Variants in RIOX2 observed in about 807,000 individuals in gnomAD.
RIOX2 encodes 60S ribosomal protein L27a histidine hydroxylase.
RIOX2 carries 43 observed loss-of-function variants against 51.2 expected under a neutral mutation model. The ratio of observed to expected loss-of-function variants is 0.84; its 90% CI spans 0.66 to 1.08. The LOEUF (loss-of-function observed/expected upper bound fraction) is 1.08, where lower values mean the gene tolerates loss of function less well. Among genes scored for constraint, RIOX2 ranks in the 50% least tolerant of loss-of-function variants. The pLI is 0.00. For missense variants in RIOX2, 566 were observed against 561.7 expected (o/e 1.01, Z -0.08); for synonymous variants, 226 against 218.5 (o/e 1.03, Z -0.30).
intron 8 of RIOX2, 96 bp downstream of exon 8, chr3:97,947,265 A>T (rs758139518): frequency 1.9e-5 from 17 of 904,458 alleles, no homozygotes; most frequent in African/African-American, 3.3e-5. Flanking sequence ...TGGATTCCTA[A>T]AGAAGGGCAG....
chr3:97,947,057 T>C (rs1358836265), intron 8 of RIOX2, among the ~76,000 whole-genome samples: 1 of 151,826 alleles, frequency 6.6e-6, no homozygotes, highest in Non-Finnish European at 1.5e-5. Context: ...GCTGAGAAAC[T>C]CAGGAATGAG....
At chr3:97,945,371 A>G (rs2040330478) in intron 9 of RIOX2, 29 bp from the exon 10 acceptor site, 5 of 1,589,088 alleles carry the variant, frequency 3.1e-6, no homozygotes, top group African/African-American at 2.7e-5. Flanking sequence ...TTGTCAAAAT[A>G]TATGTATACT....
chr3:97,947,552 C>G (rs1273511836), intron 7 of RIOX2, 103 bp from the exon 8 acceptor site: 3 of 839,106 alleles, frequency 3.6e-6, no homozygotes, highest in East Asian at 2.5e-5. Context: ...TAACAATTTA[C>G]AGGTGAATCC....
rs1195097596 is a variant in RIOX2, at chr3:97,945,120, C to T, written c.*64G>A. ...ACTTGAATTCATCCTCTCCTCGGCTCAGGTCTTTGCTTTTCTTTTAATATA... is the reference window on the plus strand; with the variant it reads ...ACTTGAATTCATCCTCTCCTCGGCTTAGGTCTTTGCTTTTCTTTTAATATA... On this transcript the variant is annotated 3_prime_UTR_variant, in exon 10 of 10. Transcript: ENST00000394198. 3 of 1,432,480 alleles carry T rather than the reference C, an allele frequency of 2.1e-6. No individual in the cohort carries two copies. The African/African-American group carries it at 4.4e-5, about 21-fold the overall frequency. The allele number at this position is 1,432,480 out of a possible 1,614,324, so 88.7% of individuals were successfully genotyped here.
In RIOX2 at chr3:97,943,095, A is replaced by C. The variant is rs1224520711; in HGVS notation, c.*2089T>G. 1 of 612,338 alleles carries C rather than the reference A, an allele frequency of 1.6e-6. No individual in the cohort carries two copies. Among genetic ancestry groups the C allele is most frequent in the Non-Finnish European group, 2.9e-6 (1 of 347,684 alleles). 37.9% of individuals were successfully genotyped at this position (612,338 alleles called of 1,614,324 possible). ...TAAGCCTGTTCAAACTCAGCTTCCCATTTCAGACTTCTTTGTAAATGACAC... is the reference window on the plus strand; with the variant it reads ...TAAGCCTGTTCAAACTCAGCTTCCCCTTTCAGACTTCTTTGTAAATGACAC... On this transcript the variant is annotated 3_prime_UTR_variant, in exon 10 of 10. Coordinates refer to ENST00000394198, the MANE Select transcript of RIOX2 (RefSeq NM_153182.4).
rs2040307610 is a variant in RIOX2 at position 97,944,552 on chromosome 3, C to A, written c.*632G>T. 6.6e-6 allele frequency: 1 copy of A among 152,092 alleles called. No homozygotes were observed. The highest frequency in any genetic ancestry group is 2.4e-5 in the African/African-American group (1 of 41,338). The allele number at this position is 152,092 out of a possible 1,614,324, so 9.4% of individuals were successfully genotyped here. ...CAATGACTATTTTAAACTCGAAGAC[C>A]CACTATTTTGAGTATTTTTTATAGA... On this transcript the variant is annotated 3_prime_UTR_variant, in exon 10 of 10. Transcript: ENST00000394198.
At chr3:97,945,596 A>G in intron 9 of RIOX2, 1 of 610,402 alleles carries the variant, frequency 1.6e-6, no homozygotes, top group Non-Finnish European at 2.9e-6. Flanking sequence ...GGTCCCAGCT[A>G]GTATGTCTTA....
intron 5 of RIOX2, 130 bp downstream of exon 5, chr3:97,954,262 G>A (rs1705372690): frequency 1.5e-6 from 1 of 661,216 alleles, no homozygotes. Context: ...GTGGAAGTCA[G>A]TAAAGGACAT....
Position 97,943,047 on chromosome 3 carries a change from T to C in RIOX2, c.*2137A>G. On this transcript the variant is annotated 3_prime_UTR_variant, in exon 10 of 10. Transcript: ENST00000394198. ...TATTTCAATTTGAGTCATAATAAGG[T>C]CCAATTTGAGGTGAATAATGGCTAA... 1 of 568,838 alleles carries C rather than the reference T, an allele frequency of 1.8e-6. No homozygotes were observed. The highest frequency in any genetic ancestry group is 2.3e-5 in the South Asian group (1 of 44,434). 35.2% of individuals were successfully genotyped at this position (568,838 alleles called of 1,614,324 possible). A position where few individuals can be genotyped will look rare whatever the true frequency, so the allele number is the denominator to read the frequency against.
chr3:97,947,336 A>T, intron 8 of RIOX2, 25 bp downstream of exon 8: 1 of 1,570,300 alleles, frequency 6.4e-7, no homozygotes, highest in Non-Finnish European at 8.7e-7. Context: ...AGAAGACAGG[A>T]AATCTCCTCC....
At chr3:97,953,464 C>A (rs980252046) in intron 5 of RIOX2, among the ~76,000 whole-genome samples, 11 of 152,162 alleles carry the variant, frequency 7.2e-5, no homozygotes, top group African/African-American at 1.4e-4. Context: ...ACTGCAACCT[C>A]CACCTCCTGT....
chr3:97,949,738 G>GA (rs1705165577), intron 7 of RIOX2, 106 bp downstream of exon 7: 2 of 1,033,354 alleles, frequency 1.9e-6, no homozygotes, highest in Non-Finnish European at 2.9e-6. Flanking sequence ...ACATTAACAC[G>GA]AAAGCACTTC....
rs1252142835 is a variant in RIOX2, at chr3:97,950,860, T to C, written c.814A>G (p.Ile272Val). The change falls in exon 6 of 10, where the codon ATC (isoleucine) becomes GTC (valine). Residue 272 changes from isoleucine to valine, a missense_variant. Ile to Val is a conservative substitution (Grantham distance 29). Coordinates refer to ENST00000394198, the MANE Select transcript of RIOX2 (RefSeq NM_153182.4). ...NSWGDFLLDT[I>V]SGLVFDTAKE... ...GCAGTATCAAATACAAGCCCCGAGA[T>C]GGTATCCAAAAGGAAATCTCCCCAT... is the stretch of plus-strand genomic sequence containing the variant. The C allele has an allele frequency of 6.8e-6, 11 of 1,613,250 alleles. No homozygotes were observed. The highest frequency in any genetic ancestry group is 9.3e-6 in the Non-Finnish European group (11 of 1,179,690).
chr3:97,960,913 T>C (rs184456762), intron 3 of RIOX2, among the ~76,000 whole-genome samples: 2 of 152,346 alleles, frequency 1.3e-5, no homozygotes, highest in African/African-American at 2.4e-5. Context: ...GTCAAAGATA[T>C]TCTATTAAAA....
chr3:97,956,999 T>C (rs1705474343), intron 4 of RIOX2, among the ~76,000 whole-genome samples: 1 of 152,060 alleles, frequency 6.6e-6, no homozygotes, highest in South Asian at 2.1e-4. Context: ...GGTGTTTCCA[T>C]CACAGGCGTG....
At chr3:97,959,253 A>G (rs1299867948) in intron 3 of RIOX2, 74 bp from the exon 4 acceptor site, 2 of 1,457,582 alleles carry the variant, frequency 1.4e-6, no homozygotes, top group East Asian at 2.6e-5. Context: ...CCGGACTATT[A>G]GCCCTCTAAG....
intron 5 of RIOX2, among the ~76,000 whole-genome samples, chr3:97,952,709 A>G (rs1705294627): frequency 6.6e-6 from 1 of 152,162 alleles, no homozygotes; most frequent in Non-Finnish European, 1.5e-5. Context: ...ACTGCTCTGA[A>G]TCCAGAATGG....
In RIOX2 at chr3:97,945,244, A is replaced by T. The variant is rs754224112; in HGVS notation, c.1338T>A (p.Asp446Glu). The T allele has an allele frequency of 2.1e-5, 34 of 1,612,648 alleles. No homozygotes were observed. The highest frequency in any genetic ancestry group is 2.9e-5 in the Non-Finnish European group (34 of 1,179,044). Residue 446 changes from aspartate to glutamate, a missense_variant, in exon 10 of 10, where the codon GAT becomes GAA. Coordinates refer to ENST00000394198, the MANE Select transcript of RIOX2 (RefSeq NM_153182.4). ...ATAATACCAGGCTTTCCTTTTCCTC[A>T]TCTGTAGTAAGTTTCAGGTCCTTGA... ...ISVKDLKLTT[D>E]EEKESLVLSL... is the part of the protein sequence containing the mutation.
At chr3:97,971,295 T>C (rs1706120284) in intron 1 of RIOX2, among the ~76,000 whole-genome samples, 1 of 152,250 alleles carries the variant, frequency 6.6e-6, no homozygotes, top group Non-Finnish European at 1.5e-5. Flanking sequence ...TCAAGCCCAC[T>C]GGATTGCCAC....
Sources: gnomAD v4.1 joint callset for allele counts (sites outside exome capture counted in the v4.1 genomes callset) on GRCh38, gnomAD v4.1.1 for gene constraint, MANE v1.5 for transcripts, NCBI Gene and HGNC (gene_info 2026-07-23, HGNC 2026-07-21) for gene names.